MCC: variants seen among roughly 807,000 people sequenced by gnomAD.
MCC encodes the protein MCC regulator of Wnt signaling pathway.
Under a neutral mutation model 116.2 loss-of-function variants are expected in MCC, and 90 were observed. The observed-to-expected ratio is 0.77, with a 90% CI of 0.65 to 0.92. The LOEUF is 0.92. Ranked by LOEUF, MCC falls within the 40% of genes least tolerant of loss-of-function variation. The probability of loss-of-function intolerance (pLI) is 0.00; values close to 1 mark genes in which losing one functional copy is unlikely to be tolerated. For missense variants in MCC, 1,516 were observed against 1,312.2 expected, an observed-to-expected ratio of 1.16 and a Z score of -2.40; for synonymous variants, 578 against 510.5, an observed-to-expected ratio of 1.13 and a Z score of -1.78.
chr5:113,108,316 C>T lies in MCC; in HGVS notation c.1028-3961G>A, dbSNP rs1212794325. ...CTCCAGTCTAGGCAACAGAGCAAGA[C>T]GCAACACTCTATCTTAAAAAAAAAA... On this transcript the variant is annotated intron_variant, in intron 6 of 18. Transcript: ENST00000408903. 3.8e-5 allele frequency among the ~76,000 whole-genome samples: 4 copies of T among 105,522 alleles called. 1 individual carries two copies. The highest frequency in any genetic ancestry group is 2.9e-4 in the East Asian group (1 of 3,494). The allele number at this position is 105,522 out of a possible 152,430, so 69.2% of individuals were successfully genotyped here.
chr5:113,032,831 A>G (rs1412919142), intron 17 of MCC, among the ~76,000 whole-genome samples: 2 of 152,224 alleles, frequency 1.3e-5, no homozygotes, highest in Admixed American at 6.5e-5. Context: ...AGACGGCCAC[A>G]AGAATGACCT....
chr5:113,270,991 A>C (rs551027136), intron 3 of MCC, among the ~76,000 whole-genome samples: 2 of 152,126 alleles, frequency 1.3e-5, no homozygotes, highest in Admixed American at 6.5e-5. Context: ...GACAAGGATA[A>C]AAATATTTGC....
intron 1 of MCC, among the ~76,000 whole-genome samples, chr5:113,391,724 A>G (rs529407278): frequency 1.8e-4 from 17 of 96,172 alleles, no homozygotes; most frequent in South Asian, 5.8e-4. Context: ...GTCTCTGGGG[A>G]AAAAAAAAAA....
At chr5:113,150,804 G>C (rs567014605) in intron 4 of MCC, among the ~76,000 whole-genome samples, 1 of 152,314 alleles carries the variant, frequency 6.6e-6, no homozygotes, top group Admixed American at 6.5e-5. Context: ...GCTCATGCCT[G>C]TAATCCCAGC....
At chr5:113,198,327 T>C (rs1762515528) in intron 3 of MCC, among the ~76,000 whole-genome samples, 2 of 152,144 alleles carry the variant, frequency 1.3e-5, no homozygotes. Flanking sequence ...TATTTTAAAG[T>C]AAATGAGCCT....
At chr5:113,266,238 T>TACACAC (rs58228493) in intron 3 of MCC, among the ~76,000 whole-genome samples, 2,472 of 149,082 alleles carry the variant, frequency 0.017, 53 homozygotes, top group African/African-American at 0.049. Flanking sequence ...TCACCCCTTC[T>TACACAC]ACACACACAC....
At chr5:113,294,706 G>A (rs2150362725) in intron 3 of MCC, 1 of 1,017,592 alleles carries the variant, frequency 9.8e-7, no homozygotes, top group South Asian at 4.6e-5. Flanking sequence ...TGCCACCCTG[G>A]GCGCCGCCTC....
chr5:113,091,951 C>T (rs1755676438), intron 8 of MCC, among the ~76,000 whole-genome samples: 1 of 152,138 alleles, frequency 6.6e-6, no homozygotes, highest in Non-Finnish European at 1.5e-5. Flanking sequence ...ATAGAGGCAT[C>T]TCAGGTTCTG....
At chr5:113,319,716 A>G (rs2068923) in intron 3 of MCC, among the ~76,000 whole-genome samples, 23,073 of 152,232 alleles carry the variant, frequency 0.15, 2,527 homozygotes, top group Admixed American at 0.28. Flanking sequence ...AATCTTACAC[A>G]ATGTTGATGT....
chr5:113,438,408 G>A (rs1007052137), intron 1 of MCC, among the ~76,000 whole-genome samples: 2 of 152,044 alleles, frequency 1.3e-5, no homozygotes, highest in African/African-American at 4.8e-5. Context: ...TGTGACTCTC[G>A]GAAAGTAACT....
chr5:113,077,195 C>T (rs957470802), intron 11 of MCC, among the ~76,000 whole-genome samples: 1 of 152,132 alleles, frequency 6.6e-6, no homozygotes, highest in African/African-American at 2.4e-5. Context: ...TAGACTCCCA[C>T]ACAATAATAA....
At chr5:113,260,392 G>A (rs894527298) in intron 3 of MCC, among the ~76,000 whole-genome samples, 1 of 152,134 alleles carries the variant, frequency 6.6e-6, no homozygotes, top group African/African-American at 2.4e-5. Context: ...AAATAGTAGA[G>A]CTTCATGCCT....
intron 1 of MCC, chr5:113,437,082 T>C (rs867857665): frequency 5.7e-4 from 75 of 132,632 alleles, no homozygotes; most frequent in African/African-American, 1.8e-3. Flanking sequence ...AAGAAATCTC[T>C]TCAAAAAAAA....
chr5:113,196,437 T>C (rs1762413935), intron 3 of MCC, among the ~76,000 whole-genome samples: 1 of 152,182 alleles, frequency 6.6e-6, no homozygotes, highest in Non-Finnish European at 1.5e-5. Flanking sequence ...CCAGCATTTG[T>C]TGCTAGGTGG....
chr5:113,360,351 C>A lies in MCC; in HGVS notation c.416-19621G>T, dbSNP rs181374303. 1.7e-4 allele frequency among the ~76,000 whole-genome samples: 26 copies of A among 152,292 alleles called. No homozygotes were observed. In the East Asian group the frequency reaches 4.0e-3, roughly 24 times the overall value. ...CAAGTTTGCATTCCAGAGACAAACT[C>A]TATATACTCTAAATCTTGTTTATAT... is the stretch of plus-strand genomic sequence containing the variant. On this transcript the variant is annotated intron_variant, in intron 2 of 18. Coordinates refer to ENST00000408903, the MANE Select transcript of MCC (RefSeq NM_001085377.2).
chr5:113,035,235 T>C (rs963065807), intron 17 of MCC, among the ~76,000 whole-genome samples: 1 of 152,200 alleles, frequency 6.6e-6, no homozygotes, highest in African/African-American at 2.4e-5. Flanking sequence ...TTTAAGTTAC[T>C]TGGAGTAAGC....
At chr5:113,043,482 C>G (rs571311484) in intron 17 of MCC, 48 bp downstream of exon 17, 2 of 1,511,564 alleles carry the variant, frequency 1.3e-6, no homozygotes, top group Non-Finnish European at 1.8e-6. Flanking sequence ...AGAACAAAGT[C>G]TCCATGCCCA....
intron 3 of MCC, among the ~76,000 whole-genome samples, chr5:113,173,751 T>C (rs760847255): frequency 2.0e-5 from 3 of 152,210 alleles, no homozygotes; most frequent in Non-Finnish European, 2.9e-5. Flanking sequence ...GCTAGTACAG[T>C]GTACTAGAAT....
chr5:113,463,197 C>T (rs1177657703), intron 1 of MCC, among the ~76,000 whole-genome samples: 2 of 151,958 alleles, frequency 1.3e-5, no homozygotes, highest in African/African-American at 2.4e-5. Flanking sequence ...GGAGAGAGGG[C>T]AAGATGAGGT....
Sources: gnomAD v4.1 joint callset for allele counts (sites outside exome capture counted in the v4.1 genomes callset) on GRCh38, gnomAD v4.1.1 for gene constraint, MANE v1.5 for transcripts, NCBI Gene and HGNC (gene_info 2026-07-23, HGNC 2026-07-21) for gene names.